Variants in CFAP74 observed in about 807,000 individuals in gnomAD.
CFAP74 encodes the protein cilia and flagella associated protein 74, also known as cilia- and flagella-associated protein 74.
Under a neutral mutation model 188.9 loss-of-function variants are expected in CFAP74, and 124 were observed. The ratio of observed to expected loss-of-function variants is 0.66; its 90% CI spans 0.57 to 0.76. The LOEUF is 0.76. CFAP74 is among the 30% of genes least tolerant of loss of function. The pLI is 0.00. For missense variants in CFAP74, 2,198 were observed against 2,165.2 expected (o/e 1.02, Z -0.30); for synonymous variants, 956 against 916.7 (o/e 1.04, Z -0.77).
At chr1:1,994,272 G>A (rs1398121941) in intron 1 of CFAP74, among the ~76,000 whole-genome samples, 1 of 150,838 alleles carries the variant, frequency 6.6e-6, no homozygotes, top group Non-Finnish European at 1.5e-5. Flanking sequence ...TTGAAATAAT[G>A]AGTAATTCCG....
At chr1:1,971,023 A>G (rs1421433637) in intron 9 of CFAP74, among the ~76,000 whole-genome samples, 7 of 142,456 alleles carry the variant, frequency 4.9e-5, no homozygotes, top group Admixed American at 7.0e-5. Context: ...TGCACACATC[A>G]CACATGCACA....
Position 1,968,794 on chromosome 1 carries a change from G to T in CFAP74, c.1086C>A (p.Ile362=), listed in dbSNP as rs778358221. The part of the protein sequence containing the change: ...EEEQKLRKQE[I]ISRILKEEAE... ...CCTCCTCTTTCAGAATCCGACTGAT[G>T]ATCTCCTGCTTTCTGAGCTTCTGCT... is the stretch of plus-strand genomic sequence containing the variant. The change falls in exon 11 of 39, where the codon ATC becomes ATA. Residue 362 remains isoleucine (I), a synonymous_variant. Transcript: ENST00000682832. This position sits in a 1 kb window ranked among gnomAD's most constrained non-coding sequence, Gnocchi z 4.3. The T allele has an allele frequency of 2.5e-6, 4 of 1,614,066 alleles. No homozygotes were observed. Among genetic ancestry groups the T allele is most frequent in the Non-Finnish European group, 2.5e-6 (3 of 1,179,960 alleles).
chr1:1,922,321 A>T lies in CFAP74; in HGVS notation c.4886T>A (p.Val1629Asp), dbSNP rs755743977. 4 of 1,605,822 alleles carry T rather than the reference A, an allele frequency of 2.5e-6. No individual in the cohort carries two copies. In the South Asian group the frequency reaches 4.4e-5, roughly 18 times the overall value. The change falls in exon 39 of 39, where the codon GTC (valine) becomes GAC (aspartate). Residue 1629 changes from valine to aspartate, a missense_variant. By Grantham distance (152) the Val-to-Asp change is radical (BLOSUM62 -3). Transcript: ENST00000682832. Reference protein sequence around the residue: ...LRGDVKETYKVIFVAQVLTGP With the variant: ...LRGDVKETYKDIFVAQVLTGP ...AGTCAACACCTGGGCTACAAAGATG[A>T]CCTTGTAGGTCTCCTTCACATCCCC... is the stretch of plus-strand genomic sequence containing the variant.
chr1:1,992,312 T>C lies in CFAP74; in HGVS notation c.-19-1337A>G, dbSNP rs151329079. Among the ~76,000 whole-genome samples the C allele has an allele frequency of 5.9e-4, 89 of 152,110 alleles. 1 individual carries two copies. The highest frequency in any genetic ancestry group is 1.8e-3 in the African/African-American group (76 of 41,518). On this transcript the variant is annotated intron_variant, in intron 1 of 38. Coordinates refer to ENST00000682832, the MANE Select transcript of CFAP74 (RefSeq NM_001304360.2). ...CACAAGTGCTAAGACTACACGCACA[T>C]GCCGCCATGCCCAGGTAATTTTCAA... is the stretch of plus-strand genomic sequence containing the variant.
chr1:1,989,135 A>G (rs911689189), intron 2 of CFAP74, among the ~76,000 whole-genome samples, 162 bp from the exon 3 acceptor site: 2 of 152,146 alleles, frequency 1.3e-5, no homozygotes, highest in Non-Finnish European at 2.9e-5. Context: ...TGGGTGACTC[A>G]GTGGGACTGG....
rs551762957 is a variant in CFAP74 at position 1,978,988 on chromosome 1, G to A, written c.501-4790C>T. Among the ~76,000 whole-genome samples, 10 of 151,730 alleles carry A rather than the reference G, an allele frequency of 6.6e-5. No individual in the cohort carries two copies. The South Asian group carries it at 1.3e-3, about 19-fold the overall frequency. On this transcript the variant is annotated intron_variant, in intron 6 of 38. Coordinates refer to ENST00000682832, the MANE Select transcript of CFAP74 (RefSeq NM_001304360.2). ...TGAGCTGGGCGTGGGAAGGCGTCAC[G>A]TGACGAGGCTGCACAGAACACGTGT...
Position 1,925,882 on chromosome 1 carries a change from CATGAGG to C in CFAP74, c.3999_4004del (p.Leu1334_Met1335del), listed in dbSNP as rs1381893731. The C allele has an allele frequency of 2.5e-6, 4 of 1,612,558 alleles. No homozygotes were observed. The highest frequency in any genetic ancestry group is 1.7e-5 in the Admixed American group (1 of 59,992). Reference sequence around the variant, plus strand: ...TGATCATGGACGCCACGCCAGTGCCCATGAGGGTGAGGGTGAGCGTGCCTCTCTTGG... The same window carrying C: ...TGATCATGGACGCCACGCCAGTGCCCGTGAGGGTGAGCGTGCCTCTCTTGG... On this transcript the variant is annotated inframe_deletion, in exon 33 of 39. Coordinates refer to ENST00000682832, the MANE Select transcript of CFAP74 (RefSeq NM_001304360.2).
At chr1:1,926,199 A>C in intron 32 of CFAP74, 29 bp downstream of exon 32, 1 of 1,476,234 alleles carries the variant, frequency 6.8e-7, no homozygotes, top group South Asian at 1.4e-5. Context: ...CTTGGGCCGC[A>C]GTGTGGCCAG....
chr1:1,941,249 C>T (rs573306431), intron 22 of CFAP74, among the ~76,000 whole-genome samples: 3 of 152,338 alleles, frequency 2.0e-5, no homozygotes, highest in African/African-American at 7.2e-5. Flanking sequence ...GCCCTGTTCC[C>T]CTCCTAGTCC....
At chr1:1,954,461 G>A (rs1654401519) in intron 18 of CFAP74, 1 of 154,328 alleles carries the variant, frequency 6.5e-6, no homozygotes, top group African/African-American at 2.4e-5. Flanking sequence ...CTGTTGGTGG[G>A]AGTGTAAACT....
rs755919815 is a variant in CFAP74 at position 1,923,080 on chromosome 1, C to T, written c.4588G>A (p.Asp1530Asn). The T allele has an allele frequency of 2.3e-5, 37 of 1,609,792 alleles. No individual in the cohort carries two copies. In the South Asian group the frequency reaches 3.7e-4, roughly 16 times the overall value. ...EELRPILVTL[D>N]YIQFDTDTPA... is the part of the protein sequence containing the mutation. ...GTGTCTGTGTCAAACTGGATGTAGT[C>T]CAGGGTCACCAGGATGGGCCTCAGC... Residue 1530 changes from aspartate (D) to asparagine (N), a missense_variant, in exon 37 of 39, where the codon GAC becomes AAC. Transcript: ENST00000682832. The surrounding 1 kb of genome is among the most constrained non-coding windows in gnomAD (Gnocchi z 6.3).
chr1:1,923,325 C>A lies in CFAP74; in HGVS notation c.4522+42G>T. The A allele has an allele frequency of 6.5e-7, 1 of 1,532,252 alleles. No individual in the cohort carries two copies. Among genetic ancestry groups the A allele is most frequent in the South Asian group, 1.2e-5 (1 of 83,338 alleles). The allele number at this position is 1,532,252 out of a possible 1,614,324, so 94.9% of individuals were successfully genotyped here. ...GCCCCCATCCACGGGACAGGGGCACCGGGAGGCCCCGTGTCTGTTCCCTCC... is the reference window on the plus strand; with the variant it reads ...GCCCCCATCCACGGGACAGGGGCACAGGGAGGCCCCGTGTCTGTTCCCTCC... On this transcript the variant is annotated intron_variant, in intron 36 of 38. Coordinates refer to ENST00000682832, the MANE Select transcript of CFAP74 (RefSeq NM_001304360.2). The surrounding 1 kb of genome is among the most constrained non-coding windows in gnomAD (Gnocchi z 6.3).
At chr1:1,970,561 A>G in intron 10 of CFAP74, 98 bp downstream of exon 10, 1 of 1,346,914 alleles carries the variant, frequency 7.4e-7, no homozygotes, top group Non-Finnish European at 1.0e-6. Flanking sequence ...TGGGAGAGAG[A>G]GCAGCTTTGC....
intron 21 of CFAP74, among the ~76,000 whole-genome samples, 175 bp downstream of exon 21, chr1:1,944,156 C>G (rs975044931): frequency 6.6e-6 from 1 of 152,126 alleles, no homozygotes; most frequent in Admixed American, 6.5e-5. Flanking sequence ...TGCCATGTCC[C>G]CGCTGGCCAC....
chr1:1,974,241 C>T, intron 6 of CFAP74, 43 bp from the exon 7 acceptor site: 1 of 1,537,490 alleles, frequency 6.5e-7, no homozygotes, highest in Non-Finnish European at 8.8e-7. Flanking sequence ...GCCCCACAGT[C>T]ATCCTGGGGT....
In CFAP74 at chr1:1,923,720, G is replaced by A; in HGVS notation, c.4389+55C>T. 1 of 1,610,614 alleles carries A rather than the reference G, an allele frequency of 6.2e-7. No homozygotes were observed. Among genetic ancestry groups the A allele is most frequent in the Non-Finnish European group, 8.5e-7 (1 of 1,178,096 alleles). ...GTGGAGCAGTGCAGCCAAAGGCAAGGCCCTGCGTGGGGCCAGGGCCGGGCC... is the reference window on the plus strand; with the variant it reads ...GTGGAGCAGTGCAGCCAAAGGCAAGACCCTGCGTGGGGCCAGGGCCGGGCC... On this transcript the variant is annotated intron_variant, in intron 35 of 38. Transcript: ENST00000682832. The surrounding 1 kb of genome is among the most constrained non-coding windows in gnomAD (Gnocchi z 6.3).
intron 1 of CFAP74, among the ~76,000 whole-genome samples, chr1:1,992,967 A>G (rs35822535): frequency 0.61 from 92,485 of 150,810 alleles, 31,219 homozygotes; most frequent in African/African-American, 0.91. Flanking sequence ...TTGGGAGGCC[A>G]AGGTGGGCAG....
At chr1:1,989,982 C>T (rs1415351406) in intron 2 of CFAP74, among the ~76,000 whole-genome samples, 5 of 152,154 alleles carry the variant, frequency 3.3e-5, no homozygotes, top group South Asian at 2.1e-4. Context: ...AGGACAGTGG[C>T]GTTTTCCAGA....
At chr1:1,945,384 C>T (rs536657734) in intron 20 of CFAP74, among the ~76,000 whole-genome samples, 52 of 152,224 alleles carry the variant, frequency 3.4e-4, no homozygotes, top group African/African-American at 8.2e-4. Flanking sequence ...AGCACGAAGC[C>T]GCCTAGGCAG....
Sources: gnomAD v4.1 joint callset for allele counts (sites outside exome capture counted in the v4.1 genomes callset) on GRCh38, gnomAD v4.1.1 for gene constraint, Gnocchi (gnomAD v3.1) non-coding constraint, MANE v1.5 for transcripts, NCBI Gene and HGNC (gene_info 2026-07-23, HGNC 2026-07-21) for gene names.